GRAMD1B: variants seen among roughly 807,000 people sequenced by gnomAD.
The protein encoded by GRAMD1B is protein Aster-B.
GRAMD1B carries 37 observed loss-of-function variants against 99.7 expected under a neutral mutation model. The ratio of observed to expected loss-of-function variants is 0.37; its 90% CI spans 0.29 to 0.49. The LOEUF (loss-of-function observed/expected upper bound fraction) is 0.49. Ranked by LOEUF, GRAMD1B falls within the 20% of genes least tolerant of loss-of-function variation. The pLI, the probability that GRAMD1B is intolerant of heterozygous loss-of-function variation, is 0.98. For missense variants in GRAMD1B, 888 were observed against 1,009.2 expected (o/e 0.88, Z 1.63); for synonymous variants, 427 against 387.6 (o/e 1.10, Z -1.19).
chr11:123,469,758 CTTCT>C (rs1010375322), intron 1 of GRAMD1B, among the ~76,000 whole-genome samples: 19 of 73,256 alleles, frequency 2.6e-4, no homozygotes, highest in Non-Finnish European at 4.4e-4. Flanking sequence ...TCTTTCTTTC[CTTCT>C]TTCTTTCTCT....
chr11:123,433,759 G>A (rs1039287936), intron 1 of GRAMD1B, among the ~76,000 whole-genome samples: 2 of 151,946 alleles, frequency 1.3e-5, no homozygotes, highest in African/African-American at 2.4e-5. Flanking sequence ...GGCTAGGATG[G>A]GGATGACAGT....
chr11:123,369,909 T>C (rs372465642), intron 1 of GRAMD1B, among the ~76,000 whole-genome samples: 5 of 150,086 alleles, frequency 3.3e-5, no homozygotes, highest in African/African-American at 1.2e-4. Flanking sequence ...AAAAAAAAAA[T>C]CTATAAGGGG....
At chr11:123,377,159 A>C (rs1946716923) in intron 1 of GRAMD1B, among the ~76,000 whole-genome samples, 1 of 152,238 alleles carries the variant, frequency 6.6e-6, no homozygotes, top group South Asian at 2.1e-4. Flanking sequence ...AGTCTAAAAA[A>C]TAGATCCAAT....
intron 2 of GRAMD1B, among the ~76,000 whole-genome samples, chr11:123,547,038 C>G (rs1471678811): frequency 6.6e-6 from 1 of 152,188 alleles, no homozygotes; most frequent in Non-Finnish European, 1.5e-5. Context: ...TCAACCCACT[C>G]TTTTGGAGGT....
chr11:123,526,605 G>C (rs1251427204), intron 2 of GRAMD1B, among the ~76,000 whole-genome samples: 1 of 152,104 alleles, frequency 6.6e-6, no homozygotes, highest in African/African-American at 2.4e-5. Flanking sequence ...GAGGGTGTGC[G>C]GGGGGCCTTT....
At chr11:123,480,366 G>A (rs56843836) in intron 1 of GRAMD1B, among the ~76,000 whole-genome samples, 2,055 of 151,940 alleles carry the variant, frequency 0.014, 47 homozygotes, top group African/African-American at 0.046. Flanking sequence ...CTGTCTTACC[G>A]GAATCTCCCT....
chr11:123,468,065 C>T (rs748489981), intron 1 of GRAMD1B, among the ~76,000 whole-genome samples: 2 of 151,918 alleles, frequency 1.3e-5, no homozygotes, highest in Non-Finnish European at 1.5e-5. Flanking sequence ...GGTTTCACCA[C>T]GTTGGCCAGG....
intron 2 of GRAMD1B, among the ~76,000 whole-genome samples, chr11:123,523,336 T>A (rs938859182): frequency 1.3e-5 from 2 of 151,960 alleles, no homozygotes; most frequent in African/African-American, 4.8e-5. Flanking sequence ...CATCTCAAAA[T>A]AAATAAATAA....
intron 4 of GRAMD1B, among the ~76,000 whole-genome samples, chr11:123,588,054 C>G (rs948603389): frequency 4.7e-5 from 7 of 148,550 alleles, no homozygotes; most frequent in Non-Finnish European, 1.0e-4. Flanking sequence ...CTGCCTCAGT[C>G]TCCCTTTCCC....
At chr11:123,514,574 C>T (rs982161564) in intron 2 of GRAMD1B, among the ~76,000 whole-genome samples, 11 of 152,158 alleles carry the variant, frequency 7.2e-5, no homozygotes, top group African/African-American at 2.7e-4. Context: ...CATGGCAGGG[C>T]CCAGGGCACG....
At chr11:123,599,056 C>T in intron 7 of GRAMD1B, 2 of 1,054,878 alleles carry the variant, frequency 1.9e-6, no homozygotes, top group Non-Finnish European at 3.0e-6. Context: ...TATCCCTCTT[C>T]ATCTGTGAAC....
chr11:123,411,556 TAA>T (rs1948052621), intron 1 of GRAMD1B, among the ~76,000 whole-genome samples: 1 of 152,226 alleles, frequency 6.6e-6, no homozygotes, highest in African/African-American at 2.4e-5. Context: ...ATTATTGGCT[TAA>T]GTTACATTCC....
rs916276855 is a variant in GRAMD1B, at chr11:123,605,799, G to C, written c.1323+321G>C. Among the ~76,000 whole-genome samples, 23 of 152,200 alleles carry C rather than the reference G, an allele frequency of 1.5e-4. 1 individual carries two copies. The highest frequency in any genetic ancestry group is 5.5e-4 in the African/African-American group (23 of 41,450). Reference sequence around the variant, plus strand: ...GAACAATTCCAGGTATTTTTTCACTGCCTTGATCTGACGTCAAAGTCATGC... The same window carrying C: ...GAACAATTCCAGGTATTTTTTCACTCCCTTGATCTGACGTCAAAGTCATGC... On this transcript the variant is annotated intron_variant, in intron 10 of 19. Transcript: ENST00000635736.
chr11:123,511,837 T>C (rs76767875), intron 2 of GRAMD1B, among the ~76,000 whole-genome samples: 9,063 of 152,264 alleles, frequency 0.06, 885 homozygotes, highest in African/African-American at 0.2. Context: ...CTGGGAATCA[T>C]AGAACTTGGT....
chr11:123,554,980 C>G (rs932241986), intron 2 of GRAMD1B, among the ~76,000 whole-genome samples: 1 of 152,170 alleles, frequency 6.6e-6, no homozygotes, highest in African/African-American at 2.4e-5. Context: ...GGCACATAAG[C>G]TGGAAACTGC....
intron 2 of GRAMD1B, among the ~76,000 whole-genome samples, chr11:123,565,808 C>A (rs936858166): frequency 2.0e-5 from 3 of 152,210 alleles, no homozygotes; most frequent in Non-Finnish European, 4.4e-5. Flanking sequence ...AGCCTGTGAA[C>A]CCAGCAGGAC....
rs549863545 is a variant in GRAMD1B, at chr11:123,385,925, C to T, written c.-176+27126C>T. On this transcript the variant is annotated intron_variant, in intron 1 of 20. Transcript: ENST00000638157. ...CTTCTATTGTTCCCTTCCCAGGCCT[C>T]ATAATTATGCTTTGTGAAGTGGCCA... Among the ~76,000 whole-genome samples, 146 of 152,276 alleles carry T rather than the reference C, an allele frequency of 9.6e-4. 5 individuals are homozygous for T. In the South Asian group the frequency reaches 0.029, roughly 31 times the overall value.
intron 1 of GRAMD1B, among the ~76,000 whole-genome samples, chr11:123,467,784 T>A (rs1377330011): frequency 1.3e-5 from 2 of 149,564 alleles, no homozygotes; most frequent in Admixed American, 6.7e-5. Context: ...CCTAGCAGGG[T>A]CCTTCCTTCC....
chr11:123,574,665 G>T (rs538593291), intron 2 of GRAMD1B, among the ~76,000 whole-genome samples: 13 of 152,330 alleles, frequency 8.5e-5, no homozygotes, highest in African/African-American at 2.9e-4. Context: ...GAGGAGGTCT[G>T]GGAGGAAAGA....
Sources: gnomAD v4.1 joint callset for allele counts (sites outside exome capture counted in the v4.1 genomes callset) on GRCh38, gnomAD v4.1.1 for gene constraint, MANE v1.5 for transcripts, NCBI Gene and HGNC (gene_info 2026-07-23, HGNC 2026-07-21) for gene names.